DRC11: variants seen among roughly 807,000 people sequenced by gnomAD.
DRC11 encodes the protein IQ and AAA domain-containing protein 1.
the DRC11 span, among the ~76,000 whole-genome samples, chr2:236,499,301 A>G: frequency 6.6e-6 from 1 of 152,208 alleles, no homozygotes; most frequent in Non-Finnish European, 1.5e-5. This position sits in a 1 kb window ranked among gnomAD's most constrained non-coding sequence, Gnocchi z 4.7. Context: ...CAGAAGAACC[A>G]GGCTCCCACC....
At chr2:236,339,000 C>T in the DRC11 span, among the ~76,000 whole-genome samples, 1 of 152,164 alleles carries the variant, frequency 6.6e-6, no homozygotes, top group Non-Finnish European at 1.5e-5. Context: ...GACCATGTTG[C>T]CATGGGCAAC....
the DRC11 span, chr2:236,503,537 C>T: frequency 8.3e-7 from 1 of 1,211,682 alleles, no homozygotes; most frequent in South Asian, 1.3e-5. This position sits in a 1 kb window ranked among gnomAD's most constrained non-coding sequence, Gnocchi z 4.9. Flanking sequence ...TGCAGTCTGT[C>T]TGGGGAATCC....
chr2:236,411,057 A>G, the DRC11 span, among the ~76,000 whole-genome samples: 260 of 142,068 alleles, frequency 1.8e-3, 1 homozygote, highest in Non-Finnish European at 3.4e-3. Context: ...GGATCTAATT[A>G]AACTAAAGAG....
At chr2:236,370,350 T>C in the DRC11 span, among the ~76,000 whole-genome samples, 5 of 152,160 alleles carry the variant, frequency 3.3e-5, no homozygotes, top group African/African-American at 1.2e-4. The surrounding 1 kb of genome is among the most constrained non-coding windows in gnomAD (Gnocchi z 5.5). Flanking sequence ...CCTCATCCCA[T>C]AGTAGTGGAA....
chr2:236,377,943 G>A, the DRC11 span, among the ~76,000 whole-genome samples: 2 of 152,160 alleles, frequency 1.3e-5, no homozygotes, highest in African/African-American at 2.4e-5. This position sits in a 1 kb window ranked among gnomAD's most constrained non-coding sequence, Gnocchi z 4.9. Context: ...ATAATCCTTC[G>A]AGATGTTTTG....
chr2:236,350,118 G>A, the DRC11 span, among the ~76,000 whole-genome samples: 3 of 152,144 alleles, frequency 2.0e-5, no homozygotes, highest in South Asian at 2.1e-4. This position sits in a 1 kb window ranked among gnomAD's most constrained non-coding sequence, Gnocchi z 5.2. Flanking sequence ...AACAGGAGTC[G>A]CCCTAACTTG....
chr2:236,354,114 A>C, the DRC11 span, among the ~76,000 whole-genome samples: 3,741 of 152,058 alleles, frequency 0.025, 65 homozygotes, highest in Non-Finnish European at 0.039. Context: ...AGAACTAGAG[A>C]GGAGCTGGGA....
chr2:236,310,025 G>C, the DRC11 span, among the ~76,000 whole-genome samples: 54 of 152,344 alleles, frequency 3.5e-4, no homozygotes, highest in East Asian at 9.1e-3. The surrounding 1 kb of genome is among the most constrained non-coding windows in gnomAD (Gnocchi z 5.5). Context: ...CCCGCAGTTT[G>C]ATCAGTGATG....
At chr2:236,338,462 T>G in the DRC11 span, 29 of 1,172,020 alleles carry the variant, frequency 2.5e-5, no homozygotes, top group Non-Finnish European at 3.3e-5. Context: ...TAGGATGCAT[T>G]GCAGCATCCT....
the DRC11 span, among the ~76,000 whole-genome samples, chr2:236,444,799 A>T: frequency 1.3e-5 from 2 of 152,224 alleles, no homozygotes; most frequent in African/African-American, 2.4e-5. Context: ...TCAACCAACA[A>T]ATATCTGTCT....
chr2:236,352,716 G>A, the DRC11 span, among the ~76,000 whole-genome samples: 3 of 152,078 alleles, frequency 2.0e-5, no homozygotes, highest in Non-Finnish European at 4.4e-5. The surrounding 1 kb of genome is among the most constrained non-coding windows in gnomAD (Gnocchi z 7.0). Flanking sequence ...CTGCTTTACG[G>A]GCTGCCTTGT....
chr2:236,402,657 C>T, the DRC11 span, among the ~76,000 whole-genome samples: 1,021 of 152,246 alleles, frequency 6.7e-3, 8 homozygotes, highest in African/African-American at 0.023. The surrounding 1 kb of genome is among the most constrained non-coding windows in gnomAD (Gnocchi z 6.0). Flanking sequence ...CCAGGGGGCC[C>T]AAAGCCTATG....
the DRC11 span, among the ~76,000 whole-genome samples, chr2:236,446,512 T>G: frequency 6.6e-6 from 1 of 152,222 alleles, no homozygotes; most frequent in African/African-American, 2.4e-5. This position sits in a 1 kb window ranked among gnomAD's most constrained non-coding sequence, Gnocchi z 6.2. Flanking sequence ...TTGTGGAACC[T>G]GATTCCTCTG....
the DRC11 span, among the ~76,000 whole-genome samples, chr2:236,342,555 C>A: frequency 6.6e-6 from 1 of 152,186 alleles, no homozygotes; most frequent in African/African-American, 2.4e-5. This position sits in a 1 kb window ranked among gnomAD's most constrained non-coding sequence, Gnocchi z 5.8. Context: ...AGGAAGGCAG[C>A]AGGAACTCTG....
At chr2:236,384,242 TG>T in the DRC11 span, among the ~76,000 whole-genome samples, 1 of 152,124 alleles carries the variant, frequency 6.6e-6, no homozygotes. Flanking sequence ...ATCGCCACAC[TG>T]ACTTCCACAA....
chr2:236,497,503 G>C, the DRC11 span: 6 of 1,550,928 alleles, frequency 3.9e-6, no homozygotes, highest in East Asian at 1.1e-4. The surrounding 1 kb of genome is among the most constrained non-coding windows in gnomAD (Gnocchi z 5.1). Context: ...GGAAGAGAGA[G>C]AATTTAGATG....
chr2:236,400,277 C>T, the DRC11 span, among the ~76,000 whole-genome samples: 6 of 152,150 alleles, frequency 3.9e-5, no homozygotes, highest in African/African-American at 1.4e-4. This position sits in a 1 kb window ranked among gnomAD's most constrained non-coding sequence, Gnocchi z 7.9. Flanking sequence ...GCTAGCCTCC[C>T]TACCCTGGGC....
At chr2:236,491,817 C>T in the DRC11 span, among the ~76,000 whole-genome samples, 1 of 152,124 alleles carries the variant, frequency 6.6e-6, no homozygotes, top group Admixed American at 6.5e-5. Context: ...AGCAGGGGCA[C>T]AGGAAGGAGA....
the DRC11 span, among the ~76,000 whole-genome samples, chr2:236,468,138 C>A: frequency 1.3e-5 from 2 of 152,108 alleles, no homozygotes; most frequent in South Asian, 4.2e-4. Flanking sequence ...ACTCTGTCAC[C>A]CAGTCTGGAG....
Sources: allele counts gnomAD v4.1 joint callset (sites outside exome capture counted in the v4.1 genomes callset), GRCh38; gene constraint gnomAD v4.1.1; non-coding constraint Gnocchi (gnomAD v3.1); transcripts MANE v1.5; gene names NCBI Gene and HGNC (gene_info 2026-07-23, HGNC 2026-07-21).